FKTN: variants seen among roughly 807,000 people sequenced by gnomAD.
FKTN encodes ribitol-5-phosphate transferase FKTN.
FKTN carries 47 observed loss-of-function variants against 58.6 expected under a neutral mutation model. That is an observed-to-expected ratio of 0.80 (90% CI 0.63 to 1.02). FKTN has a LOEUF of 1.02. Ranked by LOEUF, FKTN falls within the 50% of genes least tolerant of loss-of-function variation. The pLI is 0.00. For missense variants in FKTN, 516 were observed against 537.3 expected, an observed-to-expected ratio of 0.96 and a Z score of 0.39; for synonymous variants, 178 against 191.9, an observed-to-expected ratio of 0.93 and a Z score of 0.60.
chr9:105,616,162 A>G (rs1403873528), intron 8 of FKTN, among the ~76,000 whole-genome samples: 1 of 152,256 alleles, frequency 6.6e-6, no homozygotes, highest in Non-Finnish European at 1.5e-5. Flanking sequence ...GTCCACAGGT[A>G]ACTGAAACTG....
intron 4 of FKTN, chr9:105,598,748 AT>A (rs1397210105): frequency 1.3e-5 from 2 of 152,116 alleles, no homozygotes; most frequent in Non-Finnish European, 2.9e-5. Flanking sequence ...CTGTATTTAT[AT>A]TAATAATGGT....
chr9:105,567,099 T>C (rs558858046), intron 1 of FKTN, among the ~76,000 whole-genome samples: 6 of 152,074 alleles, frequency 3.9e-5, no homozygotes, highest in Admixed American at 1.3e-4. Context: ...ATTCAACAAC[T>C]CTTCATGCTA....
intron 10 of FKTN, among the ~76,000 whole-genome samples, chr9:105,620,851 T>G (rs191124538): frequency 6.6e-6 from 1 of 151,934 alleles, no homozygotes; most frequent in Admixed American, 6.6e-5. Context: ...CTTATTCTCA[T>G]GAGAAATTTA....
intron 3 of FKTN, among the ~76,000 whole-genome samples, chr9:105,582,672 A>G (rs931012407): frequency 6.6e-6 from 1 of 152,114 alleles, no homozygotes; most frequent in African/African-American, 2.4e-5. Flanking sequence ...TATCCAATGA[A>G]TGTCTTTCTG....
chr9:105,576,139 ACTTTT>A (rs950969975), intron 3 of FKTN, among the ~76,000 whole-genome samples: 10 of 143,756 alleles, frequency 7.0e-5, no homozygotes, highest in Middle Eastern at 3.5e-3. Flanking sequence ...GAAAACTGAA[ACTTTT>A]CTTTTTTTTT....
chr9:105,572,045 A>G (rs1316371779), intron 1 of FKTN, among the ~76,000 whole-genome samples: 1 of 152,138 alleles, frequency 6.6e-6, no homozygotes, highest in East Asian at 1.9e-4. Context: ...TTGTATTTCC[A>G]TGGGTTTTAA....
chr9:105,639,106 C>T lies in FKTN; in HGVS notation c.*3842C>T. The stretch of plus-strand genomic sequence containing the variant: ...TAAATCCTTAGGAGAAATATTCCCT[C>T]AAAACCTAGTCAAGAAAGTGCCACA... On this transcript the variant is annotated 3_prime_UTR_variant, in exon 11 of 11. Coordinates refer to ENST00000357998, the MANE Select transcript of FKTN (RefSeq NM_001079802.2). The T allele has an allele frequency of 1.0e-6, 1 of 985,088 alleles. No homozygotes were observed. The highest frequency in any genetic ancestry group is 1.2e-6 in the Non-Finnish European group (1 of 829,656). 61.0% of individuals were successfully genotyped at this position (985,088 alleles called of 1,614,324 possible). A position where few individuals can be genotyped will look rare whatever the true frequency, so the allele number is the denominator to read the frequency against.
chr9:105,619,790 C>G, intron 9 of FKTN, 144 bp from the exon 10 acceptor site: 2 of 678,904 alleles, frequency 2.9e-6, no homozygotes, highest in East Asian at 3.1e-5. Flanking sequence ...GGTGCCTTAA[C>G]TTGAAAAAAT....
At chr9:105,561,452 A>G (rs1838290758) in intron 1 of FKTN, among the ~76,000 whole-genome samples, 1 of 152,166 alleles carries the variant, frequency 6.6e-6, no homozygotes, top group Non-Finnish European at 1.5e-5. Context: ...CGTAAGATAA[A>G]TAAGGAAAAA....
rs144159266 is a variant in FKTN at position 105,636,274 on chromosome 9, G to A, written c.*1010G>A. 123 of 952,214 alleles carry A rather than the reference G, an allele frequency of 1.3e-4. No individual in the cohort carries two copies. The African/African-American group carries it at 2.0e-3, about 15-fold the overall frequency. 59.0% of individuals were successfully genotyped at this position (952,214 alleles called of 1,614,324 possible). A position where few individuals can be genotyped will look rare whatever the true frequency, so the allele number is the denominator to read the frequency against. On this transcript the variant is annotated 3_prime_UTR_variant, in exon 11 of 11. Transcript: ENST00000357998. Reference sequence around the variant, plus strand: ...TTATTATCTTCATTTATCAATTACAGCTTCGTATCTCTAATTTATGGTCTA... The same window carrying A: ...TTATTATCTTCATTTATCAATTACAACTTCGTATCTCTAATTTATGGTCTA...
At chr9:105,565,576 A>G (rs1255510229) in intron 1 of FKTN, among the ~76,000 whole-genome samples, 2 of 151,970 alleles carry the variant, frequency 1.3e-5, no homozygotes, top group Non-Finnish European at 2.9e-5. Flanking sequence ...TGGTAAAGGG[A>G]TCAATTCAAC....
chr9:105,631,475 C>G (rs1297518230), intron 10 of FKTN, among the ~76,000 whole-genome samples: 3 of 151,554 alleles, frequency 2.0e-5, no homozygotes, highest in Admixed American at 6.6e-5. Context: ...GGTTCGGGAA[C>G]AGGCAACCTA....
At chr9:105,592,572 G>T (rs898827238) in intron 3 of FKTN, among the ~76,000 whole-genome samples, 1 of 152,190 alleles carries the variant, frequency 6.6e-6, no homozygotes. Flanking sequence ...GGATAGCAGA[G>T]GTTGCAGTGA....
intron 1 of FKTN, among the ~76,000 whole-genome samples, chr9:105,569,338 T>C (rs924474599): frequency 1.1e-4 from 17 of 152,312 alleles, no homozygotes; most frequent in African/African-American, 3.8e-4. Flanking sequence ...TGCTCTTCAC[T>C]GTAGAAAGAG....
At chr9:105,615,008 C>T (rs541994550) in intron 7 of FKTN, among the ~76,000 whole-genome samples, 1 of 150,312 alleles carries the variant, frequency 6.7e-6, no homozygotes, top group Admixed American at 6.6e-5. Context: ...CTCAACCTCT[C>T]GAGTAGCTGG....
At chr9:105,575,184 T>C (rs1270115243) in intron 3 of FKTN, 47 bp downstream of exon 3, 8 of 1,062,936 alleles carry the variant, frequency 7.5e-6, no homozygotes, top group Non-Finnish European at 1.0e-5. Flanking sequence ...CTTATCATTG[T>C]ATATTTTCTG....
chr9:105,582,159 A>G lies in FKTN; in HGVS notation c.105+7022A>G, dbSNP rs535390428. 1.5e-4 allele frequency among the ~76,000 whole-genome samples: 23 copies of G among 152,196 alleles called. No individual in the cohort carries two copies. In the East Asian group the frequency reaches 4.5e-3, roughly 29 times the overall value. On this transcript the variant is annotated intron_variant, in intron 3 of 10. Transcript: ENST00000357998. ...GCTCATGCTGGGAGCTGTAGACCGGAGCTGTTCCTATTCGGCCATCTTGGC... is the reference window on the plus strand; with the variant it reads ...GCTCATGCTGGGAGCTGTAGACCGGGGCTGTTCCTATTCGGCCATCTTGGC...
At chr9:105,594,649 G>C (rs1350620650) in intron 3 of FKTN, among the ~76,000 whole-genome samples, 1 of 152,186 alleles carries the variant, frequency 6.6e-6, no homozygotes, top group Non-Finnish European at 1.5e-5. Context: ...GGAAGACTGA[G>C]GTAGGAGTAT....
At chr9:105,570,417 C>T (rs1438089616) in intron 1 of FKTN, among the ~76,000 whole-genome samples, 1 of 152,096 alleles carries the variant, frequency 6.6e-6, no homozygotes, top group Non-Finnish European at 1.5e-5. Flanking sequence ...GTGCTTATTC[C>T]TTCATTGCAA....
Sources: allele counts gnomAD v4.1 joint callset (sites outside exome capture counted in the v4.1 genomes callset), GRCh38; gene constraint gnomAD v4.1.1; transcripts MANE v1.5; gene names NCBI Gene and HGNC (gene_info 2026-07-23, HGNC 2026-07-21).